C20orf173: variants seen among roughly 807,000 people sequenced by gnomAD.
The protein encoded by C20orf173 is chromosome 20 open reading frame 173.
In C20orf173, 22 loss-of-function variants were observed where a neutral mutation model predicts 26.7. That is an observed-to-expected ratio of 0.82 (90% confidence interval 0.59 to 1.18). The LOEUF is 1.18. C20orf173 is among the 50% of genes most tolerant of loss of function. The pLI, the probability that C20orf173 is intolerant of heterozygous loss-of-function variation, is 0.00. For synonymous variants in C20orf173, 85 were observed against 96.4 expected, an observed-to-expected ratio of 0.88 and a Z score of 0.69; for missense variants, 210 against 250.3, an observed-to-expected ratio of 0.84 and a Z score of 1.09.
chr20:35,528,969 G>A, intron 2 of C20orf173, 90 bp from the exon 3 acceptor site: 1 of 1,539,324 alleles, frequency 6.5e-7, no homozygotes, highest in Non-Finnish European at 8.8e-7. Context: ...AGGCTGTGAA[G>A]ACAGGGCCAA....
chr20:35,529,084 T>C lies in C20orf173; in HGVS notation c.290A>G (p.Asp97Gly). ...ACTGACCAACCACCAGAGCACAGTG[T>C]CAGAGGTCATAGACTCTCTTGTCCT... ...LMRTRESMTS[D>G]TVLWWLGMNS... Residue 97 changes from aspartate (D) to glycine (G), a missense_variant, in exon 2 of 6, where the codon GAC (aspartate) becomes GGC (glycine). Physicochemically the swap from Asp to Gly is moderately conservative, Grantham distance 94 (BLOSUM62 -1). Transcript: ENST00000444723. The C allele has an allele frequency of 6.4e-7, 1 of 1,551,248 alleles. No individual in the cohort carries two copies. The highest frequency in any genetic ancestry group is 8.7e-7 in the Non-Finnish European group (1 of 1,146,648).
chr20:35,529,145 C>G lies in C20orf173; in HGVS notation c.229G>C (p.Asp77His), dbSNP rs985827167. The G allele has an allele frequency of 1.3e-6, 2 of 1,551,708 alleles. No homozygotes were observed. Among genetic ancestry groups the G allele is most frequent in the Non-Finnish European group, 1.7e-6 (2 of 1,146,990 alleles). The change falls in exon 2 of 6, where the codon GAT becomes CAT. Residue 77 changes from aspartate (D) to histidine (H), a missense_variant. Asp to His is a moderately conservative substitution (Grantham distance 81). Transcript: ENST00000444723. Reference protein sequence around the residue: ...HHTADEWNWLDACSRKTMGYL... With the variant: ...HHTADEWNWLHACSRKTMGYL... ...CCCATAGTCTTCCTGGAGCACGCAT[C>G]AAGCCAGTTCCATTCGTCGGCTGTG...
At position 35,528,247 on chromosome 20, in the gene C20orf173, C is replaced by T. The variant is rs575249579; in HGVS notation, c.*11G>A. On this transcript the variant is annotated 3_prime_UTR_variant, in exon 5 of 6. Coordinates refer to ENST00000444723, the MANE Select transcript of C20orf173 (RefSeq NM_001145350.2). ...TTCCCCCTCACCGTGTCTTTGCTAT[C>T]TTCCACTCCACTAGGGAACCAGACC... 6.4e-7 allele frequency: 1 copy of T among 1,552,108 alleles called. No homozygotes were observed. The highest frequency in any genetic ancestry group is 2.4e-5 in the East Asian group (1 of 40,914).
chr20:35,524,632 G>A (rs183616601), downstream of C20orf173, among the ~76,000 whole-genome samples: 4 of 151,650 alleles, frequency 2.6e-5, no homozygotes, highest in Admixed American at 2.6e-4. Context: ...TTACATTATT[G>A]TAACTAGATA....
downstream of C20orf173, among the ~76,000 whole-genome samples, chr20:35,521,457 G>A (rs575166285): frequency 2.8e-4 from 42 of 152,238 alleles, 1 homozygote; most frequent in African/African-American, 9.4e-4. Flanking sequence ...GTGAGAAGGC[G>A]TGAGGCAGCT....
Position 35,529,544 on chromosome 20 carries a change from T to A in C20orf173, c.-52+15A>T, listed in dbSNP as rs2147291549. 1.6e-6 allele frequency: 1 copy of A among 637,808 alleles called. No individual in the cohort carries two copies. The highest frequency in any genetic ancestry group is 2.7e-6 in the Non-Finnish European group (1 of 372,616). The allele number at this position is 637,808 out of a possible 1,614,324, so 39.5% of individuals were successfully genotyped here. A position where few individuals can be genotyped will look rare whatever the true frequency, so the allele number is the denominator to read the frequency against. ...TCCAACCCCTCCTCTCCTGCCTCAC[T>A]ATCCATTTGCTCACCCTCAAAACGG... On this transcript the variant is annotated intron_variant, in intron 1 of 5. Coordinates refer to ENST00000444723, the MANE Select transcript of C20orf173 (RefSeq NM_001145350.2).
At chr20:35,524,345 T>C (rs1281155436), downstream of C20orf173, among the ~76,000 whole-genome samples, 1 of 152,166 alleles carries the variant, frequency 6.6e-6, no homozygotes, top group Non-Finnish European at 1.5e-5. Flanking sequence ...CTTACACTTA[T>C]AGTGTATCTA....
At position 35,528,478 on chromosome 20, in the gene C20orf173, C is replaced by T. The variant is rs35756561; in HGVS notation, c.555G>A (p.Val185=). The T allele has an allele frequency of 0.032, 48,929 of 1,551,702 alleles. 1,461 individuals are homozygous for T. The highest frequency in any genetic ancestry group is 0.13 in the South Asian group (10,650 of 84,054). ...TATCACTTAGAGCATCTGAAGTCCA[C>T]ACCAGGTCAGAGAGCTTCCGCAGTA... ...EMLLRKLSDL[V]WTSDALSDKI... is the part of the protein sequence containing the mutation. Residue 185 remains valine, a synonymous_variant, in exon 4 of 6, where the codon GTG becomes GTA. Transcript: ENST00000444723.
At chr20:35,526,639 A>C (rs1442656810), downstream of C20orf173, among the ~76,000 whole-genome samples, 1 of 151,414 alleles carries the variant, frequency 6.6e-6, no homozygotes, top group Admixed American at 6.6e-5. Context: ...AAAAAAAAAA[A>C]AAAAAAAAAA....
downstream of C20orf173, chr20:35,523,521 T>G (rs2064487056): frequency 6.6e-6 from 1 of 152,304 alleles, no homozygotes; most frequent in Non-Finnish European, 1.5e-5. Flanking sequence ...CTACTGGAAC[T>G]GCCAAAGCCT....
At position 35,528,792 on chromosome 20, in the gene C20orf173, A is replaced by G; in HGVS notation, c.397T>C (p.Tyr133His). 1 of 1,550,978 alleles carries G rather than the reference A, an allele frequency of 6.4e-7. No homozygotes were observed. Among genetic ancestry groups the G allele is most frequent in the Non-Finnish European group, 8.7e-7 (1 of 1,146,810 alleles). ...CCCAACAGCACACAAGTCCCACAAT[A>G]GAAATCAAAATGGCTCACCGAGAGC... is the stretch of plus-strand genomic sequence containing the variant. ...PRLSVSHFDF[Y>H]CGTCVLLGRP... The change falls in exon 3 of 6, where the codon TAT becomes CAT. Residue 133 changes from tyrosine to histidine, a missense_variant. Physicochemically the swap from Tyr to His is moderately conservative, Grantham distance 83. Transcript: ENST00000444723.
chr20:35,529,500 C>T, intron 1 of C20orf173, 59 bp downstream of exon 1: 1 of 763,746 alleles, frequency 1.3e-6, no homozygotes, highest in Non-Finnish European at 2.1e-6. Flanking sequence ...ACTCCCCATC[C>T]CACCACCTTC....
chr20:35,528,117 G>A (rs1388859698), intron 5 of C20orf173, 116 bp downstream of exon 5: 5 of 855,352 alleles, frequency 5.8e-6, no homozygotes. Flanking sequence ...CCTGACCCTG[G>A]TAAGACAGCC....
At chr20:35,527,625 C>CT (rs797025506) in intron 5 of C20orf173, among the ~76,000 whole-genome samples, 144,345 of 148,476 alleles carry the variant, frequency 0.97, 70,254 homozygotes, top group Middle Eastern at 1. Flanking sequence ...CATGTATAGT[C>CT]TTTTTTTTTT....
chr20:35,528,904 G>C (rs1168882581), intron 2 of C20orf173, 25 bp from the exon 3 acceptor site: 2 of 1,551,248 alleles, frequency 1.3e-6, no homozygotes, highest in South Asian at 2.4e-5. Flanking sequence ...AGGGAGATTG[G>C]GGGCTGGGCC....
chr20:35,528,321 A>G (rs1169818867), intron 4 of C20orf173, 37 bp from the exon 5 acceptor site: 1 of 1,551,762 alleles, frequency 6.4e-7, no homozygotes, highest in Admixed American at 2.0e-5. Context: ...TTTGGGCCAC[A>G]AGACCTGGGA....
In C20orf173 at chr20:35,528,850, T is replaced by C. The variant is rs897775779; in HGVS notation, c.339A>G (p.Lys113=). ...LGMNSGSELG[K]LWRKLFKGIP... ...TCCCTTTAAACAGCTTCCTCCACAATTTCCCAAGCTCGCTCCCTGAGTTCA... is the reference window on the plus strand; with the variant it reads ...TCCCTTTAAACAGCTTCCTCCACAACTTCCCAAGCTCGCTCCCTGAGTTCA... Residue 113 remains lysine (K), a synonymous_variant, in exon 3 of 6, where the codon AAA becomes AAG. Transcript: ENST00000444723. 6.4e-7 allele frequency: 1 copy of C among 1,551,026 alleles called. No individual in the cohort carries two copies. The highest frequency in any genetic ancestry group is 1.4e-5 in the African/African-American group (1 of 72,988).
intron 5 of C20orf173, among the ~76,000 whole-genome samples, chr20:35,527,694 C>T (rs1248117272): frequency 6.6e-6 from 1 of 151,990 alleles, no homozygotes; most frequent in Non-Finnish European, 1.5e-5. Context: ...TCTCGGCTAA[C>T]TGCAACCTCT....
chr20:35,522,786 G>T (rs966006024), downstream of C20orf173: 1 of 152,766 alleles, frequency 6.5e-6, no homozygotes, highest in Non-Finnish European at 1.5e-5. Flanking sequence ...GGCCCAGTGG[G>T]CACAGGGGAG....
Sources: allele counts gnomAD v4.1 joint callset (sites outside exome capture counted in the v4.1 genomes callset), GRCh38; gene constraint gnomAD v4.1.1; transcripts MANE v1.5; gene names NCBI Gene and HGNC (gene_info 2026-07-23, HGNC 2026-07-21).